The following POMP variants were observed in gnomAD, a reference collection of about 807,000 sequenced individuals.
POMP encodes 2510048O06Rik.
POMP carries 12 observed loss-of-function variants against 20.6 expected under a neutral mutation model. That is an observed-to-expected ratio of 0.58 (90% CI 0.37 to 0.94). The LOEUF is 0.94. Among genes scored for constraint, POMP ranks in the 40% least tolerant of loss-of-function variants. The pLI, the probability that POMP is intolerant of heterozygous loss-of-function variation, is 0.01. For synonymous variants in POMP, 53 were observed against 55.0 expected (o/e 0.96, Z 0.16); for missense variants, 136 against 161.1 (o/e 0.84, Z 0.84).
At chr13:28,668,713 T>C in intron 4 of POMP, 139 bp downstream of exon 4, 1 of 713,148 alleles carries the variant, frequency 1.4e-6, no homozygotes, top group South Asian at 1.6e-5. Context: ...GACCTTGATT[T>C]CTACTTCATA....
At chr13:28,674,393 A>G (rs1463478021) in intron 5 of POMP, among the ~76,000 whole-genome samples, 1 of 152,254 alleles carries the variant, frequency 6.6e-6, no homozygotes, top group African/African-American at 2.4e-5. Context: ...TATAACTGGC[A>G]GTAAACCTGC....
intron 1 of POMP, 94 bp from the exon 2 acceptor site, chr13:28,662,314 TTC>T (rs898894050): frequency 3.5e-6 from 3 of 869,430 alleles, no homozygotes; most frequent in Admixed American, 2.3e-5. Flanking sequence ...CCTCTTATTT[TTC>T]TGTCTCCTAC....
At chr13:28,659,454 C>T (rs1884295221) in intron 1 of POMP, among the ~76,000 whole-genome samples, 1 of 152,194 alleles carries the variant, frequency 6.6e-6, no homozygotes, top group Non-Finnish European at 1.5e-5. Context: ...CCCTTAGACC[C>T]CAGCAGGCCC....
chr13:28,673,444 C>T (rs890308005), intron 5 of POMP, among the ~76,000 whole-genome samples: 1 of 152,208 alleles, frequency 6.6e-6, no homozygotes, highest in Non-Finnish European at 1.5e-5. Flanking sequence ...GCAGCATCCT[C>T]TATTTTTTCT....
chr13:28,664,761 T>C (rs2487346), intron 3 of POMP, among the ~76,000 whole-genome samples, 192 bp downstream of exon 3: 6,773 of 152,188 alleles, frequency 0.045, 507 homozygotes, highest in African/African-American at 0.15. Context: ...TTCTATGCGT[T>C]CTTACCTGCC....
intron 5 of POMP, among the ~76,000 whole-genome samples, chr13:28,676,482 T>G (rs775591670): frequency 7.9e-5 from 12 of 152,310 alleles, no homozygotes; most frequent in Middle Eastern, 6.8e-3. Flanking sequence ...TCAGGAGAGC[T>G]GGAGATTTTT....
chr13:28,661,569 A>G (rs1884342049), intron 1 of POMP, among the ~76,000 whole-genome samples: 1 of 152,240 alleles, frequency 6.6e-6, no homozygotes, highest in Non-Finnish European at 1.5e-5. Context: ...CCCGGGAGGT[A>G]GACATGTAGC....
At chr13:28,659,338 C>A in intron 1 of POMP, 151 bp downstream of exon 1, 1 of 1,350,282 alleles carries the variant, frequency 7.4e-7, no homozygotes, top group South Asian at 1.3e-5. Context: ...TCTGTCGAGT[C>A]ACGGGGTTTG....
intron 5 of POMP, among the ~76,000 whole-genome samples, chr13:28,676,661 G>C (rs1196681806): frequency 6.6e-6 from 1 of 152,186 alleles, no homozygotes; most frequent in Admixed American, 6.5e-5. Flanking sequence ...CAGTATTGGA[G>C]ATGATGACTT....
chr13:28,671,449 CTT>C (rs58068200), intron 4 of POMP, among the ~76,000 whole-genome samples: 22,110 of 144,780 alleles, frequency 0.15, 2,147 homozygotes, highest in East Asian at 0.29. Flanking sequence ...AATTCTCTGT[CTT>C]TTTTTTTTTT....
intron 3 of POMP, 106 bp downstream of exon 3, chr13:28,664,675 T>G: frequency 1.4e-6 from 1 of 709,008 alleles, no homozygotes; most frequent in Non-Finnish European, 2.4e-6. Context: ...GATTTGCCCA[T>G]GAAGAATATG....
Position 28,669,832 on chromosome 13 carries a change from G to A in POMP, c.264+1258G>A, listed in dbSNP as rs186418991. Among the ~76,000 whole-genome samples, 146 of 152,182 alleles carry A rather than the reference G, an allele frequency of 9.6e-4. 1 individual carries two copies. Among genetic ancestry groups the A allele is most frequent in the African/African-American group, 3.0e-3 (125 of 41,510 alleles). On this transcript the variant is annotated intron_variant, in intron 4 of 5. Transcript: ENST00000380842. Reference sequence around the variant, plus strand: ...TATATGTTGATGATTCCAACTGGGCGTGGTGCCTCACACCTGTAATCCCAG... The same window carrying A: ...TATATGTTGATGATTCCAACTGGGCATGGTGCCTCACACCTGTAATCCCAG...
Position 28,659,169 on chromosome 13 carries a change from C to G in POMP, c.-16C>G. ...ACGGTAACGGGGCAGAGAGGCTGTT[C>G]GCAGAGCTGCGGAAGATGGTGAGTG... On this transcript the variant is annotated 5_prime_UTR_variant, in exon 1 of 6. Transcript: ENST00000380842. The G allele has an allele frequency of 1.3e-6, 2 of 1,585,428 alleles. No individual in the cohort carries two copies. The highest frequency in any genetic ancestry group is 1.7e-6 in the Non-Finnish European group (2 of 1,166,892).
At chr13:28,664,617 C>G in intron 3 of POMP, 48 bp downstream of exon 3, 1 of 1,102,664 alleles carries the variant, frequency 9.1e-7, no homozygotes, top group Non-Finnish European at 1.3e-6. Flanking sequence ...TAGATAAATA[C>G]TTTTACTAAT....
At chr13:28,662,389 T>A (rs566557541) in intron 1 of POMP, 21 bp from the exon 2 acceptor site, 3 of 1,568,924 alleles carry the variant, frequency 1.9e-6, no homozygotes, top group South Asian at 2.2e-5. Context: ...TATTTAATAA[T>A]GTTTTTTATT....
chr13:28,675,736 T>C lies in POMP; in HGVS notation c.359-2299T>C, dbSNP rs1361129491. 3.3e-5 allele frequency among the ~76,000 whole-genome samples: 5 copies of C among 152,278 alleles called. No individual in the cohort carries two copies. In the East Asian group the frequency reaches 9.6e-4, roughly 29 times the overall value. ...AAGAAAATTTATTTTGGCATATGGT[T>C]CCTCAGGCTGTACAGGAAGCATAGT... On this transcript the variant is annotated intron_variant, in intron 5 of 5. Coordinates refer to ENST00000380842, the MANE Select transcript of POMP (RefSeq NM_015932.6).
At chr13:28,669,054 C>T (rs1771169) in intron 4 of POMP, among the ~76,000 whole-genome samples, 6,705 of 152,114 alleles carry the variant, frequency 0.044, 496 homozygotes, top group African/African-American at 0.15. Flanking sequence ...ATCTTTAACC[C>T]CTCTCTGCTT....
At chr13:28,675,941 T>C (rs1884620589) in intron 5 of POMP, among the ~76,000 whole-genome samples, 1 of 152,144 alleles carries the variant, frequency 6.6e-6, no homozygotes, top group Non-Finnish European at 1.5e-5. Context: ...GGGGTGGTGC[T>C]AGACCATCCA....
intron 5 of POMP, among the ~76,000 whole-genome samples, chr13:28,677,757 C>T (rs1884654369): frequency 6.6e-6 from 1 of 152,054 alleles, no homozygotes; most frequent in African/African-American, 2.4e-5. Context: ...TATTGACATA[C>T]AATAAAGTAC....
Sources: gnomAD v4.1 joint callset for allele counts (sites outside exome capture counted in the v4.1 genomes callset) on GRCh38, gnomAD v4.1.1 for gene constraint, MANE v1.5 for transcripts, NCBI Gene and HGNC (gene_info 2026-07-23, HGNC 2026-07-21) for gene names.